Variants in SERGEF observed in about 807,000 individuals in gnomAD.
SERGEF encodes the protein secretion regulating guanine nucleotide exchange factor, also known as secretion-regulating guanine nucleotide exchange factor.
Under a neutral mutation model 50.0 loss-of-function variants are expected in SERGEF, and 51 were observed. The observed-to-expected ratio is 1.02, with a 90% CI of 0.81 to 1.29. The LOEUF (loss-of-function observed/expected upper bound fraction) is 1.29, where lower values mean the gene tolerates loss of function less well. Ranked by LOEUF, SERGEF falls within the 50% of genes most tolerant of loss-of-function variation. The pLI, the probability that SERGEF is intolerant of heterozygous loss-of-function variation, is 0.00. For missense variants in SERGEF, 521 were observed against 557.0 expected (o/e 0.94, Z 0.65); for synonymous variants, 205 against 212.4 (o/e 0.97, Z 0.30).
intron 10 of SERGEF, among the ~76,000 whole-genome samples, chr11:17,877,060 G>A (rs76842098): frequency 2.0e-5 from 3 of 152,250 alleles, no homozygotes; most frequent in East Asian, 3.8e-4. Flanking sequence ...CCAGGCAGCT[G>A]AGCCAGTCCA....
chr11:18,008,632 A>G (rs776599586), intron 1 of SERGEF, among the ~76,000 whole-genome samples: 3 of 152,104 alleles, frequency 2.0e-5, no homozygotes, highest in Non-Finnish European at 4.4e-5. Flanking sequence ...AAGAGAGGCC[A>G]TCTCCTAAAT....
chr11:17,862,210 TC>T lies in SERGEF; in HGVS notation c.1048+15997del, dbSNP rs1850938564. Reference sequence around the variant, plus strand: ...AATACCTTTCTCTTCTTCATACTCATCCGTTAAGACCCACTTCAAGGATCAT... The same window carrying T: ...AATACCTTTCTCTTCTTCATACTCATCGTTAAGACCCACTTCAAGGATCAT... On this transcript the variant is annotated intron_variant, in intron 10 of 10. Coordinates refer to ENST00000265965, the MANE Select transcript of SERGEF (RefSeq NM_012139.4). 2.0e-5 allele frequency among the ~76,000 whole-genome samples: 3 copies of T among 152,302 alleles called. No homozygotes were observed. In the South Asian group the frequency reaches 6.2e-4, roughly 32 times the overall value.
chr11:17,881,617 G>A (rs1851332208), intron 9 of SERGEF, among the ~76,000 whole-genome samples: 1 of 152,244 alleles, frequency 6.6e-6, no homozygotes, highest in African/African-American at 2.4e-5. Context: ...AAGAGAAAGA[G>A]ATTCAGGACC....
At position 17,810,705 on chromosome 11, in the gene SERGEF, GCA is replaced by G. The variant is rs543777055; in HGVS notation, c.1049-22294_1049-22293del. 5.3e-3 allele frequency among the ~76,000 whole-genome samples: 800 copies of G among 152,090 alleles called. 5 individuals are homozygous for G. Among genetic ancestry groups the G allele is most frequent in the Non-Finnish European group, 7.6e-3 (515 of 67,998 alleles). The stretch of plus-strand genomic sequence containing the variant: ...ATCTCTTTATCCTCCACTGTGCTTA[GCA>G]CAGAGCCCTGGGTCACAGGTGGCTC... On this transcript the variant is annotated intron_variant, in intron 10 of 10. Transcript: ENST00000265965.
intron 10 of SERGEF, among the ~76,000 whole-genome samples, chr11:17,849,364 G>A (rs1362049061): frequency 1.3e-5 from 2 of 152,124 alleles, no homozygotes; most frequent in East Asian, 1.9e-4. Flanking sequence ...AGAGTCATAC[G>A]TGATACTTAC....
chr11:17,842,192 A>G (rs1850514821), intron 10 of SERGEF, among the ~76,000 whole-genome samples: 1 of 152,168 alleles, frequency 6.6e-6, no homozygotes, highest in Non-Finnish European at 1.5e-5. Context: ...GGCCTGAAAC[A>G]TAGTAGATAG....
chr11:17,886,322 T>G (rs950017676), intron 9 of SERGEF, among the ~76,000 whole-genome samples: 3 of 152,078 alleles, frequency 2.0e-5, no homozygotes, highest in African/African-American at 7.2e-5. Flanking sequence ...TATGAAGAGT[T>G]CTTCAAGCTG....
chr11:17,832,547 G>T (rs1224165761), intron 10 of SERGEF, among the ~76,000 whole-genome samples: 1 of 152,206 alleles, frequency 6.6e-6, no homozygotes, highest in African/African-American at 2.4e-5. Flanking sequence ...AAGTGGAAGT[G>T]ACTTTGGAAC....
At chr11:17,886,305 G>A (rs1040897647) in intron 9 of SERGEF, among the ~76,000 whole-genome samples, 26 of 152,094 alleles carry the variant, frequency 1.7e-4, no homozygotes, top group African/African-American at 4.8e-5. Flanking sequence ...AACTGGCATA[G>A]GTTCACTATG....
At chr11:18,008,505 A>G (rs1017387479) in intron 1 of SERGEF, among the ~76,000 whole-genome samples, 3 of 152,258 alleles carry the variant, frequency 2.0e-5, no homozygotes, top group Non-Finnish European at 4.4e-5. Context: ...CCCAGAAGGC[A>G]AAGCAGCAAT....
intron 1 of SERGEF, among the ~76,000 whole-genome samples, chr11:18,011,281 G>A (rs2134017701): frequency 6.6e-6 from 1 of 152,240 alleles, no homozygotes; most frequent in Non-Finnish European, 1.5e-5. Flanking sequence ...CCTTTAAAGG[G>A]GCAATTAAGG....
At chr11:17,926,253 A>G (rs897105561) in intron 9 of SERGEF, among the ~76,000 whole-genome samples, 3 of 152,110 alleles carry the variant, frequency 2.0e-5, no homozygotes, top group East Asian at 1.9e-4. Flanking sequence ...AGAGGCCCTG[A>G]GACATGTTAG....
At chr11:17,845,155 G>A (rs141189593) in intron 10 of SERGEF, among the ~76,000 whole-genome samples, 1 of 152,248 alleles carries the variant, frequency 6.6e-6, no homozygotes, top group African/African-American at 2.4e-5. Context: ...ACTGTGGTTT[G>A]CCTCTGTAAC....
intron 10 of SERGEF, among the ~76,000 whole-genome samples, chr11:17,851,785 T>A (rs781244345): frequency 7.2e-5 from 11 of 152,282 alleles, no homozygotes; most frequent in South Asian, 2.1e-4. Flanking sequence ...AAGGTGACTG[T>A]GCTGGACACT....
chr11:17,993,734 A>G (rs1294555994), intron 6 of SERGEF, among the ~76,000 whole-genome samples: 1 of 152,198 alleles, frequency 6.6e-6, no homozygotes, highest in Non-Finnish European at 1.5e-5. Flanking sequence ...GAATGATAAC[A>G]GGACAAAGCA....
At chr11:17,873,838 C>T (rs1429837410) in intron 10 of SERGEF, among the ~76,000 whole-genome samples, 2 of 152,190 alleles carry the variant, frequency 1.3e-5, no homozygotes, top group African/African-American at 4.8e-5. Flanking sequence ...GCTCTTTTTT[C>T]TCCGCAGGAA....
chr11:18,007,240 C>T (rs201763172), intron 2 of SERGEF, among the ~76,000 whole-genome samples: 3 of 152,144 alleles, frequency 2.0e-5, no homozygotes, highest in Non-Finnish European at 2.9e-5. Flanking sequence ...TATACCAACA[C>T]AGTTGTAAAA....
intron 3 of SERGEF, among the ~76,000 whole-genome samples, chr11:18,005,214 C>A (rs914881722): frequency 6.6e-6 from 1 of 152,216 alleles, no homozygotes; most frequent in Non-Finnish European, 1.5e-5. Flanking sequence ...TATCTACTGA[C>A]TCCTTACAAT....
intron 3 of SERGEF, among the ~76,000 whole-genome samples, chr11:18,004,868 C>T (rs1854041211): frequency 6.6e-6 from 1 of 152,198 alleles, no homozygotes; most frequent in Admixed American, 6.5e-5. Context: ...AACACTCCAG[C>T]TTTTCTCCCT....
Sources: allele counts gnomAD v4.1 joint callset (sites outside exome capture counted in the v4.1 genomes callset), GRCh38; gene constraint gnomAD v4.1.1; transcripts MANE v1.5; gene names NCBI Gene and HGNC (gene_info 2026-07-23, HGNC 2026-07-21).